Variants in ACMSD observed in about 807,000 individuals in gnomAD.
ACMSD encodes the protein aminocarboxymuconate semialdehyde decarboxylase.
ACMSD carries 37 observed loss-of-function variants against 45.9 expected under a neutral mutation model. The observed-to-expected ratio is 0.81, with a 90% CI of 0.62 to 1.06. ACMSD has a LOEUF of 1.06. ACMSD is among the 50% of genes least tolerant of loss of function. The probability of loss-of-function intolerance (pLI) is 0.00; values close to 1 mark genes in which losing one functional copy is unlikely to be tolerated. For synonymous variants in ACMSD, 138 were observed against 148.8 expected, an observed-to-expected ratio of 0.93 and a Z score of 0.53; for missense variants, 434 against 420.9, an observed-to-expected ratio of 1.03 and a Z score of -0.27.
chr2:134,885,316 T>TGTAAATATATATATAC (rs1689306397), intron 8 of ACMSD, among the ~76,000 whole-genome samples: 1 of 103,082 alleles, frequency 9.7e-6, no homozygotes, highest in Non-Finnish European at 1.8e-5. Flanking sequence ...AATATATATA[T>TGTAAATATATATATAC]ATAAATATAT....
At chr2:134,859,402 A>G (rs780639586) in intron 3 of ACMSD, 45 bp downstream of exon 3, 9 of 1,578,030 alleles carry the variant, frequency 5.7e-6, no homozygotes, top group Non-Finnish European at 7.0e-6. Context: ...ATGTAAAAGC[A>G]ATGTCTGCCC....
Position 134,859,255 on chromosome 2 carries a change from C to A in ACMSD, c.103-6C>A, listed in dbSNP as rs199676397. The A allele has an allele frequency of 2.5e-6, 4 of 1,613,450 alleles. No individual in the cohort carries two copies. On this transcript the variant is annotated splice_polypyrimidine_tract_variant and splice_region_variant and intron_variant, in intron 2 of 9. Transcript: ENST00000356140. ...GCATTTTAGTAATGTGGGTTTTCTG[C>A]CCCAGGGAGAAGCAAAGTTGTTGAA...
At chr2:134,891,728 G>A (rs1480215783) in intron 8 of ACMSD, among the ~76,000 whole-genome samples, 1 of 151,868 alleles carries the variant, frequency 6.6e-6, no homozygotes, top group Non-Finnish European at 1.5e-5. Context: ...CCCACTACTG[G>A]GCATCTACCC....
In ACMSD at chr2:134,861,857, G is replaced by A. The variant is rs1348782992; in HGVS notation, c.200-112G>A. Reference sequence around the variant, plus strand: ...GAGGACTGAGAGGGACGCAGGGAGGGAGAGCAGGAGGAGTTTAGGGTGGAG... The same window carrying A: ...GAGGACTGAGAGGGACGCAGGGAGGAAGAGCAGGAGGAGTTTAGGGTGGAG... On this transcript the variant is annotated intron_variant, in intron 3 of 9. Coordinates refer to ENST00000356140, the MANE Select transcript of ACMSD (RefSeq NM_138326.3). The A allele has an allele frequency of 1.2e-5, 13 of 1,104,738 alleles. No homozygotes were observed. In the East Asian group the frequency reaches 3.1e-4, roughly 26 times the overall value. 68.4% of individuals were successfully genotyped at this position (1,104,738 alleles called of 1,614,324 possible). A position where few individuals can be genotyped will look rare whatever the true frequency, so the allele number is the denominator to read the frequency against.
At chr2:134,864,948 C>G (rs1036734955) in intron 5 of ACMSD, among the ~76,000 whole-genome samples, 8 of 152,174 alleles carry the variant, frequency 5.3e-5, no homozygotes, top group African/African-American at 1.9e-4. Flanking sequence ...TAATTCTTTA[C>G]TCAATTGCAT....
Position 134,871,032 on chromosome 2 carries a change from C to G in ACMSD, c.648C>G (p.Pro216=), listed in dbSNP as rs757198931. The stretch of plus-strand genomic sequence containing the variant: ...TGGGTGGAGTATTTGAGAAGTTTCC[C>G]AAACTGAAAGTGTGTTTCGCACATG... ...MIMGGVFEKF[P]KLKVCFAHGG... The change falls in exon 7 of 10, where the codon CCC becomes CCG. Residue 216 remains proline, a synonymous_variant. Transcript: ENST00000356140. The G allele has an allele frequency of 1.2e-6, 2 of 1,614,082 alleles. No individual in the cohort carries two copies. Among genetic ancestry groups the G allele is most frequent in the South Asian group, 2.2e-5 (2 of 91,054 alleles).
At chr2:134,896,381 A>C (rs1690150687) in intron 8 of ACMSD, among the ~76,000 whole-genome samples, 1 of 152,250 alleles carries the variant, frequency 6.6e-6, no homozygotes, top group South Asian at 2.1e-4. Context: ...CACCGAATGG[A>C]GAAAATATTT....
At chr2:134,875,917 T>A (rs1367321022) in intron 8 of ACMSD, among the ~76,000 whole-genome samples, 1 of 152,240 alleles carries the variant, frequency 6.6e-6, no homozygotes, top group East Asian at 1.9e-4. Context: ...TGGTACAGCC[T>A]ACTACACACC....
At chr2:134,881,094 A>T (rs1401834703) in intron 8 of ACMSD, among the ~76,000 whole-genome samples, 3 of 152,166 alleles carry the variant, frequency 2.0e-5, no homozygotes, top group Admixed American at 6.5e-5. Flanking sequence ...CTGCCTCCCG[A>T]TTCAAGCAAT....
chr2:134,854,348 T>C (rs1687482716), intron 2 of ACMSD, among the ~76,000 whole-genome samples: 1 of 152,046 alleles, frequency 6.6e-6, no homozygotes, highest in South Asian at 2.1e-4. Flanking sequence ...GCTCCCAGAG[T>C]TCCTGTGAGG....
rs542278914 is a variant in ACMSD, at chr2:134,865,444, G to A, written c.486+1813G>A. Among the ~76,000 whole-genome samples the A allele has an allele frequency of 1.4e-4, 22 of 152,284 alleles. No homozygotes were observed. In the East Asian group the frequency reaches 3.3e-3, roughly 23 times the overall value. Reference sequence around the variant, plus strand: ...AGGGACTTAGGAAGCAACAGCAGCCGGTTGAGGTCCACATGGATATTTTCA... The same window carrying A: ...AGGGACTTAGGAAGCAACAGCAGCCAGTTGAGGTCCACATGGATATTTTCA... On this transcript the variant is annotated intron_variant, in intron 5 of 9. Coordinates refer to ENST00000356140, the MANE Select transcript of ACMSD (RefSeq NM_138326.3).
chr2:134,866,101 A>G (rs1688082989), intron 5 of ACMSD, among the ~76,000 whole-genome samples: 1 of 152,130 alleles, frequency 6.6e-6, no homozygotes, highest in Non-Finnish European at 1.5e-5. Context: ...GAGATCAACA[A>G]TATGTTAATT....
intron 5 of ACMSD, chr2:134,867,305 C>T (rs112570620): frequency 2.9e-4 from 69 of 236,968 alleles, no homozygotes; most frequent in African/African-American, 1.1e-3. Context: ...TATTTCCTGA[C>T]GCTTGTTTTA....
chr2:134,901,943 C>G lies in ACMSD; in HGVS notation c.*83C>G. The G allele has an allele frequency of 1.1e-6, 1 of 871,108 alleles. No individual in the cohort carries two copies. Among genetic ancestry groups the G allele is most frequent in the South Asian group, 2.0e-5 (1 of 49,302 alleles). The allele number at this position is 871,108 out of a possible 1,614,324, so 54.0% of individuals were successfully genotyped here. On this transcript the variant is annotated 3_prime_UTR_variant, in exon 10 of 10. Coordinates refer to ENST00000356140, the MANE Select transcript of ACMSD (RefSeq NM_138326.3). ...TGTATCAACAGGTATCAACAAAATCCTATTTTGAACTATTTTACTCAGAAA... is the reference window on the plus strand; with the variant it reads ...TGTATCAACAGGTATCAACAAAATCGTATTTTGAACTATTTTACTCAGAAA...
At chr2:134,865,302 T>C (rs1279617744) in intron 5 of ACMSD, among the ~76,000 whole-genome samples, 2 of 152,260 alleles carry the variant, frequency 1.3e-5, no homozygotes, top group Non-Finnish European at 2.9e-5. Flanking sequence ...GAAACTTTAA[T>C]GAGCTTTGAA....
intron 8 of ACMSD, among the ~76,000 whole-genome samples, chr2:134,885,356 A>T (rs1425662747): frequency 9.3e-6 from 1 of 106,988 alleles, no homozygotes; most frequent in Non-Finnish European, 1.7e-5. Flanking sequence ...TATAATATAT[A>T]TTTACATATA....
rs777835200 is a variant in ACMSD, at chr2:134,867,633, G to C, written c.541G>C (p.Asp181His). 2 of 1,613,758 alleles carry C rather than the reference G, an allele frequency of 1.2e-6. No individual in the cohort carries two copies. The highest frequency in any genetic ancestry group is 1.7e-6 in the Non-Finnish European group (2 of 1,179,812). Residue 181 changes from aspartate to histidine, a missense_variant, in exon 6 of 10, where the codon GAT (aspartate) becomes CAT (histidine). Coordinates refer to ENST00000356140, the MANE Select transcript of ACMSD (RefSeq NM_138326.3). ...CGTGCATCCCTGGGACATGCAGATG[G>C]ATGGACGAATGGCCAAATACTGGCT... ...LFVHPWDMQM[D>H]GRMAKYWLPW...
chr2:134,877,947 A>T (rs1409880724), intron 8 of ACMSD, among the ~76,000 whole-genome samples: 2 of 152,102 alleles, frequency 1.3e-5, no homozygotes, highest in Non-Finnish European at 2.9e-5. Flanking sequence ...CTGGCCACAA[A>T]TTATTTATAT....
intron 2 of ACMSD, among the ~76,000 whole-genome samples, chr2:134,847,439 G>A (rs199512016): frequency 6.9e-6 from 1 of 144,516 alleles, no homozygotes; most frequent in African/African-American, 2.6e-5. Flanking sequence ...TAGATAGATA[G>A]ATAGATAGAT....
Sources: allele counts gnomAD v4.1 joint callset (sites outside exome capture counted in the v4.1 genomes callset), GRCh38; gene constraint gnomAD v4.1.1; transcripts MANE v1.5; gene names NCBI Gene and HGNC (gene_info 2026-07-23, HGNC 2026-07-21).